The following SLC35F4 variants were observed in gnomAD, a reference collection of about 807,000 sequenced individuals.
The protein encoded by SLC35F4 is chromosome 14 open reading frame 36.
In SLC35F4, 24 loss-of-function variants were observed where a neutral mutation model predicts 44.2. That is an observed-to-expected ratio of 0.54 (90% confidence interval 0.39 to 0.76). The LOEUF is 0.76. SLC35F4 is among the 30% of genes least tolerant of loss of function. The probability of loss-of-function intolerance (pLI) is 0.00; values close to 1 mark genes in which losing one functional copy is unlikely to be tolerated. For synonymous variants in SLC35F4, 238 were observed against 223.6 expected (o/e 1.06, Z -0.57); for missense variants, 562 against 586.1 (o/e 0.96, Z 0.42).
chr14:57,589,502 T>A lies in SLC35F4; in HGVS notation c.301A>T (p.Thr101Ser), dbSNP rs1267406422. 1 of 1,604,708 alleles carries A rather than the reference T, an allele frequency of 6.2e-7. No homozygotes were observed. The highest frequency in any genetic ancestry group is 8.5e-7 in the Non-Finnish European group (1 of 1,176,170). ...ERQNRSADDG[T>S]QTHSENSSQE... ...CTGCTGTTCTCAGAATGAGTCTGTG[T>A]CCCATCGTCTGCTGGAAACAGGAAA... The change falls in exon 3 of 8, where the codon ACA becomes TCA. Residue 101 changes from threonine (T) to serine (S), a missense_variant. Coordinates refer to ENST00000556826, the MANE Select transcript of SLC35F4 (RefSeq NM_001306087.2).
rs75836100 is a variant in SLC35F4 at position 57,930,787 on chromosome 14, G to A, written n.282+51126C>T. On this transcript the variant is annotated intron_variant and non_coding_transcript_variant, in intron 1 of 1. Coordinates refer to the SLC35F4 transcript ENST00000556568. ...TTTCAGATTTCAGAGGCAGGACAAT[G>A]TGAGAAATATTTAGAGGTAGCTCTT... 7.9e-5 allele frequency among the ~76,000 whole-genome samples: 12 copies of A among 152,302 alleles called. No homozygotes were observed. In the East Asian group the frequency reaches 2.3e-3, roughly 29 times the overall value.
At chr14:57,856,290 T>C (rs1275977106) in intron 1 of SLC35F4, among the ~76,000 whole-genome samples, 1 of 152,024 alleles carries the variant, frequency 6.6e-6, no homozygotes, top group Non-Finnish European at 1.5e-5. Context: ...CTGCACATTC[T>C]GCACATGTAC....
intron 1 of SLC35F4, among the ~76,000 whole-genome samples, chr14:57,807,783 A>G (rs1386356502): frequency 6.6e-6 from 1 of 151,722 alleles, no homozygotes; most frequent in African/African-American, 2.4e-5. Context: ...CTTGCCAGGC[A>G]CTGTATTAGT....
At chr14:57,881,604 A>G (rs1043367164) in intron 1 of SLC35F4, among the ~76,000 whole-genome samples, 1 of 152,306 alleles carries the variant, frequency 6.6e-6, no homozygotes, top group East Asian at 1.9e-4. Flanking sequence ...CAAGCCCAAT[A>G]GAGTGACTGT....
At chr14:57,850,994 T>C (rs1302589094) in intron 1 of SLC35F4, among the ~76,000 whole-genome samples, 1 of 152,156 alleles carries the variant, frequency 6.6e-6, no homozygotes. Context: ...ACCCTCTTCC[T>C]GCAAAAAAGC....
intron 1 of SLC35F4, among the ~76,000 whole-genome samples, chr14:57,909,842 G>A (rs1471358621): frequency 6.6e-6 from 1 of 152,108 alleles, no homozygotes; most frequent in Non-Finnish European, 1.5e-5. Context: ...ACCAAGAAGT[G>A]CAATTCCTAG....
chr14:57,614,165 C>T (rs1380879296), intron 1 of SLC35F4, among the ~76,000 whole-genome samples: 1 of 147,974 alleles, frequency 6.8e-6, no homozygotes, highest in Non-Finnish European at 1.5e-5. Context: ...TGTACATTTG[C>T]AGTGGGGAAA....
chr14:57,740,967 C>G, intron 1 of SLC35F4, among the ~76,000 whole-genome samples: 1 of 152,180 alleles, frequency 6.6e-6, no homozygotes, highest in East Asian at 1.9e-4. Context: ...CCCAGGCAAA[C>G]AGGGTCTCGA....
rs2068098640 is a variant in SLC35F4 at position 57,564,341 on chromosome 14, C to T, written c.1252G>A (p.Val418Ile). 2 of 1,609,894 alleles carry T rather than the reference C, an allele frequency of 1.2e-6. No individual in the cohort carries two copies. Among genetic ancestry groups the T allele is most frequent in the Non-Finnish European group, 1.7e-6 (2 of 1,178,106 alleles). ...DLLKQEVIFN[V>I]VRLAATIIIC... is the part of the protein sequence containing the mutation. ...ATGATGGTAGCAGCCAGGCGGACAA[C>T]ATTGAATATCACCTCCTGCTTTAGG... is the stretch of plus-strand genomic sequence containing the variant. The change falls in exon 8 of 8, where the codon GTT (valine) becomes ATT (isoleucine). Residue 418 changes from valine (V) to isoleucine (I), a missense_variant. Coordinates refer to ENST00000556826, the MANE Select transcript of SLC35F4 (RefSeq NM_001306087.2).
chr14:57,762,762 T>C (rs959472260), intron 1 of SLC35F4, among the ~76,000 whole-genome samples: 2 of 152,122 alleles, frequency 1.3e-5, no homozygotes, highest in Admixed American at 1.3e-4. Context: ...CACTATATGA[T>C]GCCTTCTACC....
At chr14:57,649,522 A>G (rs2073691454) in intron 1 of SLC35F4, among the ~76,000 whole-genome samples, 1 of 152,088 alleles carries the variant, frequency 6.6e-6, no homozygotes, top group Non-Finnish European at 1.5e-5. Flanking sequence ...ATCTGGGATA[A>G]TCTCTCCTCT....
At chr14:57,768,479 G>C (rs1308913764) in intron 1 of SLC35F4, among the ~76,000 whole-genome samples, 1 of 152,170 alleles carries the variant, frequency 6.6e-6, no homozygotes, top group Non-Finnish European at 1.5e-5. Flanking sequence ...AAATATACTG[G>C]GGGTGAGGCT....
intron 1 of SLC35F4, among the ~76,000 whole-genome samples, chr14:57,791,368 C>T (rs1321046039): frequency 1.3e-5 from 2 of 152,152 alleles, no homozygotes; most frequent in Non-Finnish European, 2.9e-5. Context: ...GGCCAACAAA[C>T]ATGTGAAAGA....
At chr14:57,937,638 AAG>A (rs1400856144) in intron 1 of SLC35F4, among the ~76,000 whole-genome samples, 11 of 128,872 alleles carry the variant, frequency 8.5e-5, no homozygotes, top group Non-Finnish European at 1.8e-4. Context: ...AAGAAAAGAA[AAG>A]AAAAGAAAAG....
intron 1 of SLC35F4, among the ~76,000 whole-genome samples, chr14:57,667,184 G>T (rs2098565339): frequency 1.4e-5 from 2 of 143,324 alleles, no homozygotes; most frequent in Non-Finnish European, 3.1e-5. Context: ...GTAAATACCT[G>T]CAAGCATGGG....
In SLC35F4 at chr14:57,778,450, G is replaced by A. The variant is rs143223907; in HGVS notation, c.103+87273C>T. Among the ~76,000 whole-genome samples, 779 of 151,174 alleles carry A rather than the reference G, an allele frequency of 5.2e-3. 6 individuals are homozygous for A. Among genetic ancestry groups the A allele is most frequent in the African/African-American group, 0.018 (732 of 41,254 alleles). On this transcript the variant is annotated intron_variant, in intron 1 of 7. Transcript: ENST00000556826. ...AGCTAACTATCCTAAATATATATGC[G>A]CCCAACACAGGAGCACCGAGATTCA...
At chr14:57,731,336 A>T (rs923685803) in intron 1 of SLC35F4, among the ~76,000 whole-genome samples, 2 of 152,104 alleles carry the variant, frequency 1.3e-5, no homozygotes, top group Non-Finnish European at 2.9e-5. Context: ...TTTGACAAAC[A>T]CCTGCCATTA....
chr14:57,652,675 C>G (rs1160583829), intron 1 of SLC35F4, among the ~76,000 whole-genome samples: 1 of 150,372 alleles, frequency 6.7e-6, no homozygotes, highest in African/African-American at 2.5e-5. Context: ...ACACAAAGAT[C>G]TAACAGGATA....
In SLC35F4 at chr14:57,569,798, C is replaced by A; in HGVS notation, c.1116G>T (p.Gly372=). ...LPWGCLCGMA[G]LWLAFNILVN... ...CCCGAGGCCACTTACCCAGCCACAG[C>A]CCTGCCATCCCACAGAGACAGCCCC... The change falls in exon 6 of 8, where the codon GGG becomes GGT. Residue 372 remains glycine, a synonymous_variant. Coordinates refer to ENST00000556826, the MANE Select transcript of SLC35F4 (RefSeq NM_001306087.2). 6.3e-7 allele frequency: 1 copy of A among 1,598,848 alleles called. No individual in the cohort carries two copies. The highest frequency in any genetic ancestry group is 1.1e-5 in the South Asian group (1 of 87,012).
Sources: allele counts gnomAD v4.1 joint callset (sites outside exome capture counted in the v4.1 genomes callset), GRCh38; gene constraint gnomAD v4.1.1; transcripts MANE v1.5; gene names NCBI Gene and HGNC (gene_info 2026-07-23, HGNC 2026-07-21).